UBE2U: variants seen among roughly 807,000 people sequenced by gnomAD.
UBE2U encodes ubiquitin-conjugating enzyme E2 U.
UBE2U carries 39 observed loss-of-function variants against 41.2 expected under a neutral mutation model. The observed-to-expected ratio is 0.95, with a 90% CI of 0.73 to 1.24. The LOEUF is 1.24. Ranked by LOEUF, UBE2U falls within the 50% of genes most tolerant of loss-of-function variation. UBE2U has a pLI of 0.00. For synonymous variants in UBE2U, 107 were observed against 117.8 expected (o/e 0.91, Z 0.60); for missense variants, 336 against 363.1 (o/e 0.93, Z 0.61).
At chr1:64,228,198 G>T (rs989525461) in intron 6 of UBE2U, among the ~76,000 whole-genome samples, 3 of 152,136 alleles carry the variant, frequency 2.0e-5, no homozygotes, top group Non-Finnish European at 4.4e-5. Flanking sequence ...GCTCTAATTG[G>T]ATCTTTTTAG....
intron 1 of UBE2U, 152 bp from the exon 2 acceptor site, chr1:64,205,487 G>A (rs2100232868): frequency 1.6e-6 from 1 of 624,038 alleles, no homozygotes; most frequent in Non-Finnish European, 2.8e-6. Flanking sequence ...AATAAGACAT[G>A]TAACACTTCC....
intron 6 of UBE2U, among the ~76,000 whole-genome samples, chr1:64,224,996 G>A (rs1445153771): frequency 1.3e-5 from 2 of 151,936 alleles, no homozygotes; most frequent in African/African-American, 4.8e-5. Context: ...AGAATAGCAA[G>A]TGAGAGAATC....
In UBE2U at chr1:64,227,308, G is replaced by A. The variant is rs1652938758; in HGVS notation, c.507-5253G>A. On this transcript the variant is annotated intron_variant, in intron 6 of 9. Transcript: ENST00000371077. ...AAGGAAAATAAATAAAAATTTTAAG[G>A]TTTGGAAAGGATGAAGCAAATTGTC... 2.0e-5 allele frequency among the ~76,000 whole-genome samples: 3 copies of A among 152,106 alleles called. No individual in the cohort carries two copies. In the South Asian group the frequency reaches 6.2e-4, roughly 31 times the overall value.
chr1:64,233,828 A>G (rs1024650795), intron 7 of UBE2U, among the ~76,000 whole-genome samples: 1 of 152,230 alleles, frequency 6.6e-6, no homozygotes, highest in African/African-American at 2.4e-5. Flanking sequence ...TGCTTCAGCC[A>G]TCCTTCTAAA....
intron 8 of UBE2U, among the ~76,000 whole-genome samples, chr1:64,251,692 C>T (rs545161818): frequency 5.9e-5 from 9 of 152,298 alleles, no homozygotes; most frequent in Non-Finnish European, 1.0e-4. Flanking sequence ...GCTTCTCCCA[C>T]GGATCTTTGC....
chr1:64,228,110 G>C (rs990885192), intron 6 of UBE2U, among the ~76,000 whole-genome samples: 8 of 152,238 alleles, frequency 5.3e-5, no homozygotes, highest in South Asian at 4.1e-4. Flanking sequence ...CATAGAATGA[G>C]AAAGCAATTT....
chr1:64,215,184 T>G (rs894556617), intron 5 of UBE2U, among the ~76,000 whole-genome samples: 4 of 151,994 alleles, frequency 2.6e-5, no homozygotes, highest in Admixed American at 2.6e-4. Context: ...TGAGCCGAGA[T>G]CATGCCATTG....
At chr1:64,259,301 T>C (rs902220542) in intron 8 of UBE2U, among the ~76,000 whole-genome samples, 2 of 152,120 alleles carry the variant, frequency 1.3e-5, no homozygotes, top group Non-Finnish European at 2.9e-5. Flanking sequence ...TAGTTTCTTT[T>C]GCTGTGCAGA....
intron 7 of UBE2U, among the ~76,000 whole-genome samples, chr1:64,237,667 G>C (rs986340802): frequency 1.3e-5 from 2 of 152,152 alleles, no homozygotes; most frequent in Non-Finnish European, 2.9e-5. Context: ...AGTGGTAAGA[G>C]ACAGATGAGT....
chr1:64,213,846 G>A (rs1477511419), intron 4 of UBE2U, among the ~76,000 whole-genome samples: 1 of 152,030 alleles, frequency 6.6e-6, no homozygotes, highest in Non-Finnish European at 1.5e-5. Flanking sequence ...ACATACGAAG[G>A]CTATGTTATA....
intron 4 of UBE2U, 119 bp from the exon 5 acceptor site, chr1:64,214,696 A>C: frequency 2.8e-6 from 2 of 703,398 alleles, no homozygotes; most frequent in South Asian, 3.5e-5. Flanking sequence ...ATCTATTTCC[A>C]GATCCATACA....
Position 64,203,975 on chromosome 1 carries a change from C to A in UBE2U, c.-76C>A. 2 of 1,364,480 alleles carry A rather than the reference C, an allele frequency of 1.5e-6. No individual in the cohort carries two copies. Among genetic ancestry groups the A allele is most frequent in the Non-Finnish European group, 1.0e-6 (1 of 969,134 alleles). 84.5% of individuals were successfully genotyped at this position (1,364,480 alleles called of 1,614,324 possible). A position where few individuals can be genotyped will look rare whatever the true frequency, so the allele number is the denominator to read the frequency against. On this transcript the variant is annotated 5_prime_UTR_variant, in exon 1 of 10. Transcript: ENST00000371077. ...CAGTTTACTAAGTGTGGGAAAGTGA[C>A]CCATAACTTCAAACATCTGCCTCAG... is the stretch of plus-strand genomic sequence containing the variant.
chr1:64,222,542 C>G lies in UBE2U; in HGVS notation c.506+1635C>G, dbSNP rs148714021. On this transcript the variant is annotated intron_variant, in intron 6 of 9. Coordinates refer to ENST00000371077, the MANE Select transcript of UBE2U (RefSeq NM_001366232.2). ...TGCCAGCCTGAACTTCCTAGAGAAG[C>G]CTTTAGGTAATACTTATTTGAGGCA... Among the ~76,000 whole-genome samples, 751 of 152,206 alleles carry G rather than the reference C, an allele frequency of 4.9e-3. 6 individuals carry two copies. The highest frequency in any genetic ancestry group is 0.018 in the African/African-American group (728 of 41,512).
chr1:64,209,397 G>A (rs985666783), intron 3 of UBE2U, among the ~76,000 whole-genome samples: 1 of 152,136 alleles, frequency 6.6e-6, no homozygotes, highest in East Asian at 1.9e-4. Context: ...AGCATATGTG[G>A]CCCAGAACTT....
At chr1:64,205,557 G>C (rs561227474) in intron 1 of UBE2U, 82 bp from the exon 2 acceptor site, 1 of 1,111,338 alleles carries the variant, frequency 9.0e-7, no homozygotes, top group African/African-American at 1.6e-5. Context: ...TTAGAATTCA[G>C]TGTGACCTGG....
intron 6 of UBE2U, among the ~76,000 whole-genome samples, chr1:64,221,863 G>A (rs1423365711): frequency 6.6e-6 from 1 of 152,110 alleles, no homozygotes; most frequent in Non-Finnish European, 1.5e-5. Flanking sequence ...AAGGCGGGTG[G>A]ATCAGGAGGT....
chr1:64,238,455 A>T (rs1056917827), intron 7 of UBE2U, among the ~76,000 whole-genome samples: 5 of 151,898 alleles, frequency 3.3e-5, no homozygotes, highest in Admixed American at 3.3e-4. Context: ...GTTAATTATT[A>T]TAATCATCTA....
chr1:64,229,842 G>A (rs1644519506), intron 6 of UBE2U, among the ~76,000 whole-genome samples: 1 of 152,050 alleles, frequency 6.6e-6, no homozygotes, highest in Admixed American at 6.5e-5. Context: ...GTTTTCTCTA[G>A]TAGCTTCCTC....
intron 6 of UBE2U, among the ~76,000 whole-genome samples, chr1:64,229,239 C>G (rs990119594): frequency 6.6e-6 from 1 of 151,996 alleles, no homozygotes; most frequent in African/African-American, 2.4e-5. Context: ...AGGTGATCCT[C>G]TCGCCTCAGT....
Sources: gnomAD v4.1 joint callset for allele counts (sites outside exome capture counted in the v4.1 genomes callset) on GRCh38, gnomAD v4.1.1 for gene constraint, MANE v1.5 for transcripts, NCBI Gene and HGNC (gene_info 2026-07-23, HGNC 2026-07-21) for gene names.